The following CYB5R3 variants were observed in gnomAD, a reference collection of about 807,000 sequenced individuals.
CYB5R3 encodes the protein NADH-cytochrome b5 reductase 3.
A neutral mutation model predicts 36.5 loss-of-function variants in CYB5R3; 28 were observed. That is an observed-to-expected ratio of 0.77 (90% CI 0.57 to 1.05). The LOEUF is 1.05. Among genes scored for constraint, CYB5R3 ranks in the 50% least tolerant of loss-of-function variants. The probability of loss-of-function intolerance (pLI) is 0.00; values close to 1 mark genes in which losing one functional copy is unlikely to be tolerated. For missense variants in CYB5R3, 474 were observed against 408.9 expected (o/e 1.16, Z -1.37); for synonymous variants, 181 against 159.8 (o/e 1.13, Z -1.00).
chr22:42,624,741 G>A (rs1029804795), intron 7 of CYB5R3, among the ~76,000 whole-genome samples: 5 of 152,064 alleles, frequency 3.3e-5, no homozygotes, highest in African/African-American at 4.8e-5. Flanking sequence ...GCCAAAGAGC[G>A]CTGCCACCCA....
At chr22:42,633,556 G>A (rs979795033) in intron 2 of CYB5R3, among the ~76,000 whole-genome samples, 18 of 152,204 alleles carry the variant, frequency 1.2e-4, no homozygotes, top group African/African-American at 4.1e-4. Context: ...AGGTCGAGGC[G>A]GGCGGATCAC....
At position 42,647,264 on chromosome 22, in the gene CYB5R3, C is replaced by T. The variant is rs192060631; in HGVS notation, c.21+2031G>A. ...CGGGGGAGGGTTGGTGGAGGTCTCC[C>T]GACTCCCAGGCAGTGCTCTGCCCCT... On this transcript the variant is annotated intron_variant, in intron 1 of 8. Transcript: ENST00000352397. 7.0e-4 allele frequency among the ~76,000 whole-genome samples: 107 copies of T among 152,212 alleles called. 2 individuals carry two copies. Among genetic ancestry groups the T allele is most frequent in the Admixed American group, 6.3e-3 (96 of 15,292 alleles).
chr22:42,640,211 A>T (rs1412913037), intron 1 of CYB5R3: 1 of 1,602,876 alleles, frequency 6.2e-7, no homozygotes, highest in Non-Finnish European at 8.5e-7. Context: ...GGCTTCAAGT[A>T]AGTCACAGCA....
In CYB5R3 at chr22:42,627,469, T is replaced by C. The variant is rs1187854336; in HGVS notation, c.548-80A>G. 1.1e-5 allele frequency: 17 copies of C among 1,511,748 alleles called. No homozygotes were observed. In the East Asian group the frequency reaches 3.7e-4, roughly 33 times the overall value. The allele number at this position is 1,511,748 out of a possible 1,614,324, so 93.6% of individuals were successfully genotyped here. ...ACCGCCCCGCCCAGGTGTACTGGGG[T>C]GGAGGGGCCAGGACCACTGGGCCTG... On this transcript the variant is annotated intron_variant, in intron 6 of 8. Transcript: ENST00000352397.
intron 4 of CYB5R3, 29 bp downstream of exon 4, chr22:42,630,853 C>T (rs377201774): frequency 8.2e-6 from 13 of 1,583,272 alleles, no homozygotes; most frequent in Non-Finnish European, 1.1e-5. Context: ...ACCCACACCC[C>T]CTCCACAGTC....
chr22:42,637,382 GGCCACTGGGATTGAT>G (rs1928955024), intron 1 of CYB5R3, among the ~76,000 whole-genome samples: 1 of 152,064 alleles, frequency 6.6e-6, no homozygotes, highest in African/African-American at 2.4e-5. Context: ...AGTCCCTTGG[GGCCACTGGGATTGAT>G]GCTCTCCTCT....
rs759002338 is a variant in CYB5R3, at chr22:42,628,267, G to A, written c.348C>T (p.Asp116=). 10 of 1,613,888 alleles carry A rather than the reference G, an allele frequency of 6.2e-6. No homozygotes were observed. The highest frequency in any genetic ancestry group is 1.6e-4 in the Middle Eastern group (1 of 6,084). The change falls in exon 5 of 9, where the codon GAC becomes GAT. Residue 116 remains aspartate (D), a synonymous_variant. Transcript: ENST00000352397. ...VDLVIKVYFK[D]THPKFPAGGK... ...CTCCAGCGGGAAACTTGGGATGGGT[G>A]TCCTTGAAGTAAACCTGCAAGACAC... is the stretch of plus-strand genomic sequence containing the variant.
At chr22:42,645,387 G>T (rs573644126) in intron 1 of CYB5R3, among the ~76,000 whole-genome samples, 1 of 152,166 alleles carries the variant, frequency 6.6e-6, no homozygotes, top group Non-Finnish European at 1.5e-5. Context: ...ATGAGGGCGC[G>T]GCACAGCCTG....
At chr22:42,627,540 C>A in intron 6 of CYB5R3, 65 bp downstream of exon 6, 1 of 1,531,168 alleles carries the variant, frequency 6.5e-7, no homozygotes, top group Admixed American at 1.7e-5. Context: ...ACCTGCGCCT[C>A]ACCCACACCC....
intron 6 of CYB5R3, 91 bp from the exon 7 acceptor site, chr22:42,627,480 GGACCAC>G: frequency 6.8e-7 from 1 of 1,479,446 alleles, no homozygotes. Flanking sequence ...GGAGGGGCCA[GGACCAC>G]TGGGCCTGGG....
At chr22:42,632,484 C>A (rs1193603288) in intron 2 of CYB5R3, 2 of 152,296 alleles carry the variant, frequency 1.3e-5, no homozygotes, top group Non-Finnish European at 2.9e-5. Flanking sequence ...AAGGAGAGAC[C>A]CGTCCCTACA....
At chr22:42,649,095 G>A (rs1326770067) in intron 1 of CYB5R3, among the ~76,000 whole-genome samples, 200 bp downstream of exon 1, 1 of 152,128 alleles carries the variant, frequency 6.6e-6, no homozygotes, top group African/African-American at 2.4e-5. Context: ...CAGACTGCCA[G>A]GGCGTAAGTA....
At chr22:42,627,766 GAGAA>G in intron 5 of CYB5R3, 78 bp from the exon 6 acceptor site, 12 of 1,109,236 alleles carry the variant, frequency 1.1e-5, no homozygotes, top group Non-Finnish European at 1.7e-5. Flanking sequence ...GAGGGGGCTG[GAGAA>G]CCTGCCCCCA....
chr22:42,628,319 A>T (rs1192155654), intron 4 of CYB5R3, 38 bp from the exon 5 acceptor site: 4 of 1,611,428 alleles, frequency 2.5e-6, no homozygotes, highest in Non-Finnish European at 3.4e-6. Context: ...CCCCAGCTCC[A>T]GGTCTCAGGG....
At chr22:42,627,265 G>A (rs928427310) in intron 7 of CYB5R3, 39 bp downstream of exon 7, 1 of 1,573,868 alleles carries the variant, frequency 6.4e-7, no homozygotes, top group South Asian at 1.1e-5. Context: ...CCCCTCTCAG[G>A]GTAAGCTGAG....
At chr22:42,620,650 C>T (rs762107982) in intron 8 of CYB5R3, among the ~76,000 whole-genome samples, 5 of 152,200 alleles carry the variant, frequency 3.3e-5, no homozygotes, top group Non-Finnish European at 7.3e-5. Flanking sequence ...GACACAGACA[C>T]CCTGCCTAGA....
chr22:42,623,831 CA>C lies in CYB5R3; in HGVS notation c.690del (p.Ala231HisfsTer23). On this transcript the variant is annotated frameshift_variant, in exon 8 of 9. Coordinates refer to ENST00000352397, the MANE Select transcript of CYB5R3 (RefSeq NM_000398.7). LOFTEE classifies it high-confidence loss of function. ...PELEELRNKH[S>X]ARFKLWYTLD... is the part of the protein sequence containing the mutation. Reference sequence around the variant, plus strand: ...AGCGTGTACCAGAGCTTGAAGCGTGCAGAATGTTTGTTCCTGAGTTCCTCCA... The same window carrying C: ...AGCGTGTACCAGAGCTTGAAGCGTGCGAATGTTTGTTCCTGAGTTCCTCCA... 6.2e-7 allele frequency: 1 copy of C among 1,614,168 alleles called. No individual in the cohort carries two copies. Among genetic ancestry groups the C allele is most frequent in the Non-Finnish European group, 8.5e-7 (1 of 1,179,992 alleles).
chr22:42,626,978 A>G (rs1402681858), intron 7 of CYB5R3, among the ~76,000 whole-genome samples: 4 of 152,160 alleles, frequency 2.6e-5, no homozygotes, highest in Non-Finnish European at 5.9e-5. Flanking sequence ...TGTCCAGGCC[A>G]GCATTCTTCC....
At chr22:42,638,939 C>T in intron 1 of CYB5R3, 2 of 313,324 alleles carry the variant, frequency 6.4e-6, no homozygotes, top group South Asian at 4.8e-5. Flanking sequence ...GAAACTGAGG[C>T]AGGAGAAATG....
Sources: allele counts gnomAD v4.1 joint callset (sites outside exome capture counted in the v4.1 genomes callset), GRCh38; gene constraint gnomAD v4.1.1; transcripts MANE v1.5; gene names NCBI Gene and HGNC (gene_info 2026-07-23, HGNC 2026-07-21).